The following MAP3K4 variants were observed in gnomAD, a reference collection of about 807,000 sequenced individuals.
MAP3K4 encodes the protein MAP three kinase 1.
In MAP3K4, 67 loss-of-function variants were observed where a neutral mutation model predicts 185.6. The observed-to-expected ratio is 0.36, with a 90% confidence interval of 0.30 to 0.44. The LOEUF (loss-of-function observed/expected upper bound fraction) is 0.44. Ranked by LOEUF, MAP3K4 falls within the 20% of genes least tolerant of loss-of-function variation. The probability of loss-of-function intolerance (pLI) is 1.00; values close to 1 mark genes in which losing one functional copy is unlikely to be tolerated. For missense variants in MAP3K4, 1,551 were observed against 1,995.1 expected, an observed-to-expected ratio of 0.78 and a Z score of 4.24; for synonymous variants, 702 against 710.4, an observed-to-expected ratio of 0.99 and a Z score of 0.19.
At position 161,022,663 on chromosome 6, in the gene MAP3K4, C is replaced by T. The variant is rs1394637406; in HGVS notation, c.153-11596C>T. Among the ~76,000 whole-genome samples the T allele has an allele frequency of 6.6e-6, 1 of 152,130 alleles. No homozygotes were observed. The highest frequency in any genetic ancestry group is 1.5e-5 in the Non-Finnish European group (1 of 68,034). ...GTTAGATCAGGACTCCAGTTATGGCCCAGACACTTGCAAGATGAGCCATCC... is the reference window on the plus strand; with the variant it reads ...GTTAGATCAGGACTCCAGTTATGGCTCAGACACTTGCAAGATGAGCCATCC... On this transcript the variant is annotated intron_variant, in intron 1 of 26. Transcript: ENST00000392142. The surrounding 1 kb of genome is among the most constrained non-coding windows in gnomAD (Gnocchi z 4.2).
chr6:161,112,949 C>T lies in MAP3K4; in HGVS notation c.4626+175C>T, dbSNP rs1445596032. ...TTAAGACAAATGACAAACCAGGAAACAAATATTTGTAAGATATCTGCCACA... is the reference window on the plus strand; with the variant it reads ...TTAAGACAAATGACAAACCAGGAAATAAATATTTGTAAGATATCTGCCACA... On this transcript the variant is annotated intron_variant, in intron 25 of 26. Transcript: ENST00000392142. This position sits in a 1 kb window ranked among gnomAD's most constrained non-coding sequence, Gnocchi z 5.1. Among the ~76,000 whole-genome samples, 1 of 152,062 alleles carries T rather than the reference C, an allele frequency of 6.6e-6. No homozygotes were observed. Among genetic ancestry groups the T allele is most frequent in the Non-Finnish European group, 1.5e-5 (1 of 68,000 alleles).
Position 161,106,487 on chromosome 6 carries a change from C to A in MAP3K4, c.3857-27C>A. On this transcript the variant is annotated intron_variant, in intron 19 of 26. Transcript: ENST00000392142. This position sits in a 1 kb window ranked among gnomAD's most constrained non-coding sequence, Gnocchi z 4.9. ...ACTGACTTGATAACAGTGATTGGGACTAATGAGGTTTTGGTTCTCTCTGCA... is the reference window on the plus strand; with the variant it reads ...ACTGACTTGATAACAGTGATTGGGAATAATGAGGTTTTGGTTCTCTCTGCA... 6.5e-7 allele frequency: 1 copy of A among 1,548,710 alleles called. No individual in the cohort carries two copies. The highest frequency in any genetic ancestry group is 8.8e-7 in the Non-Finnish European group (1 of 1,139,628).
rs3050252 is a variant in MAP3K4, at chr6:161,107,050, GCACACACA to G, written c.4048+367_4048+374del. Among the ~76,000 whole-genome samples, 3 of 105,188 alleles carry G rather than the reference GCACACACA, an allele frequency of 2.9e-5. No individual in the cohort carries two copies. Among genetic ancestry groups the G allele is most frequent in the Non-Finnish European group, 6.0e-5 (3 of 50,218 alleles). The allele number at this position is 105,188 out of a possible 152,430, so 69.0% of individuals were successfully genotyped here. A position where few individuals can be genotyped will look rare whatever the true frequency, so the allele number is the denominator to read the frequency against. On this transcript the variant is annotated intron_variant, in intron 20 of 26. Transcript: ENST00000392142. This position sits in a 1 kb window ranked among gnomAD's most constrained non-coding sequence, Gnocchi z 6.2. Reference sequence around the variant, plus strand: ...TCTCTCTCTCTCTACACACGCGCGCGCACACACACACACACACACACACACACACGCAG... The same window carrying G: ...TCTCTCTCTCTCTACACACGCGCGCGCACACACACACACACACACACGCAG...
intron 3 of MAP3K4, among the ~76,000 whole-genome samples, chr6:161,068,498 C>T (rs927185383): frequency 3.9e-5 from 6 of 152,174 alleles, no homozygotes; most frequent in African/African-American, 1.4e-4. Context: ...TATGCAGAGA[C>T]CTGGCCATTA....
rs1270160934 is a variant in MAP3K4, at chr6:161,107,022, T to TTCTC, written c.4048+329_4048+332dup. On this transcript the variant is annotated intron_variant, in intron 20 of 26. Coordinates refer to ENST00000392142, the MANE Select transcript of MAP3K4 (RefSeq NM_005922.4). The surrounding 1 kb of genome is among the most constrained non-coding windows in gnomAD (Gnocchi z 6.2). The stretch of plus-strand genomic sequence containing the variant: ...CAAAATTTGACCCATTTGTTCTAGT[T>TTCTC]TCTCTCTCTCTCTCTACACACGCGC... Among the ~76,000 whole-genome samples the TTCTC allele has an allele frequency of 7.1e-6, 1 of 141,498 alleles. No homozygotes were observed. The highest frequency in any genetic ancestry group is 2.7e-5 in the African/African-American group (1 of 37,702). The allele number at this position is 141,498 out of a possible 152,430, so 92.8% of individuals were successfully genotyped here. A position where few individuals can be genotyped will look rare whatever the true frequency, so the allele number is the denominator to read the frequency against.
At chr6:161,012,619 C>T (rs760378683) in intron 1 of MAP3K4, among the ~76,000 whole-genome samples, 7 of 152,060 alleles carry the variant, frequency 4.6e-5, no homozygotes, top group Admixed American at 2.0e-4. Flanking sequence ...GGGAGGTGAG[C>T]CTTTAAGAGA....
In MAP3K4 at chr6:161,102,773, A is replaced by G; in HGVS notation, c.3850A>G (p.Ser1284Gly). Residue 1284 changes from serine (S) to glycine (G), a missense_variant, in exon 19 of 27, where the codon AGT (serine) becomes GGT (glycine). Coordinates refer to ENST00000392142, the MANE Select transcript of MAP3K4 (RefSeq NM_005922.4). ...GGAACTTCGGACACTAATCAGCCAG[A>G]GTAAAGGTGAGAGAAAGAGTGTTGA... ...SWELRTLISQSKDTASKLGPI... is the reference protein window; with the variant it reads ...SWELRTLISQGKDTASKLGPI... 7.1e-7 allele frequency: 1 copy of G among 1,399,980 alleles called. No individual in the cohort carries two copies. Among genetic ancestry groups the G allele is most frequent in the Non-Finnish European group, 9.9e-7 (1 of 1,008,678 alleles). The allele number at this position is 1,399,980 out of a possible 1,614,324, so 86.7% of individuals were successfully genotyped here.
At position 161,034,003 on chromosome 6, in the gene MAP3K4, CAGAA is replaced by C. The variant is rs1394350199; in HGVS notation, c.153-253_153-250del. On this transcript the variant is annotated intron_variant, in intron 1 of 26. Coordinates refer to ENST00000392142, the MANE Select transcript of MAP3K4 (RefSeq NM_005922.4). The surrounding 1 kb of genome is among the most constrained non-coding windows in gnomAD (Gnocchi z 4.4). Reference sequence around the variant, plus strand: ...GAAAGAGCTCTATAAACAAGAGAAACAGAAAGCATAACAGCTCTACCCATGTGGT... The same window carrying C: ...GAAAGAGCTCTATAAACAAGAGAAACAGCATAACAGCTCTACCCATGTGGT... Among the ~76,000 whole-genome samples the C allele has an allele frequency of 1.3e-5, 2 of 152,114 alleles. No homozygotes were observed. Among genetic ancestry groups the C allele is most frequent in the Non-Finnish European group, 2.9e-5 (2 of 68,032 alleles).
chr6:161,080,728 A>G lies in MAP3K4; in HGVS notation c.2098-153A>G, dbSNP rs1294505988. 1.6e-6 allele frequency: 1 copy of G among 632,098 alleles called. No individual in the cohort carries two copies. Among genetic ancestry groups the G allele is most frequent in the Non-Finnish European group, 2.8e-6 (1 of 357,784 alleles). 39.2% of individuals were successfully genotyped at this position (632,098 alleles called of 1,614,324 possible). The stretch of plus-strand genomic sequence containing the variant: ...AATCCTCATTTAGACCTCAGCTAAC[A>G]GTGGTGAGAACCTTGCTTCTGTCGG... On this transcript the variant is annotated intron_variant, in intron 5 of 26. Transcript: ENST00000392142. This position sits in a 1 kb window ranked among gnomAD's most constrained non-coding sequence, Gnocchi z 4.8.
At position 161,107,037 on chromosome 6, in the gene MAP3K4, T is replaced by TAC. The variant is rs976084042; in HGVS notation, c.4048+337_4048+338dup. ...TTGTTCTAGTTTCTCTCTCTCTCTC[T>TAC]ACACACGCGCGCGCACACACACACA... is the stretch of plus-strand genomic sequence containing the variant. On this transcript the variant is annotated intron_variant, in intron 20 of 26. Transcript: ENST00000392142. The surrounding 1 kb of genome is among the most constrained non-coding windows in gnomAD (Gnocchi z 6.2). Among the ~76,000 whole-genome samples, 44 of 102,984 alleles carry TAC rather than the reference T, an allele frequency of 4.3e-4. No individual in the cohort carries two copies. The highest frequency in any genetic ancestry group is 8.6e-4 in the Admixed American group (7 of 8,124). The allele number at this position is 102,984 out of a possible 152,430, so 67.6% of individuals were successfully genotyped here.
chr6:161,019,444 C>CT (rs1452483929), intron 1 of MAP3K4, among the ~76,000 whole-genome samples: 3 of 152,186 alleles, frequency 2.0e-5, no homozygotes, highest in Non-Finnish European at 4.4e-5. Context: ...CGGAGTCTCT[C>CT]TCGCCCAGGC....
rs1361165078 is a variant in MAP3K4 at position 161,114,971 on chromosome 6, T to C, written c.4627-152T>C. The C allele has an allele frequency of 4.9e-6, 3 of 614,014 alleles. No individual in the cohort carries two copies. Among genetic ancestry groups the C allele is most frequent in the East Asian group, 5.5e-5 (2 of 36,464 alleles). 38.0% of individuals were successfully genotyped at this position (614,014 alleles called of 1,614,324 possible). On this transcript the variant is annotated intron_variant, in intron 25 of 26. Coordinates refer to ENST00000392142, the MANE Select transcript of MAP3K4 (RefSeq NM_005922.4). This position sits in a 1 kb window ranked among gnomAD's most constrained non-coding sequence, Gnocchi z 4.3. ...TAGTTGTGATAGAGATCATATGGCCTGTCAACCTAAAATATTGTTTGGCCC... is the reference window on the plus strand; with the variant it reads ...TAGTTGTGATAGAGATCATATGGCCCGTCAACCTAAAATATTGTTTGGCCC...
At chr6:160,992,642 C>T (rs1780786671) in intron 1 of MAP3K4, among the ~76,000 whole-genome samples, 1 of 152,128 alleles carries the variant, frequency 6.6e-6, no homozygotes, top group African/African-American at 2.4e-5. Flanking sequence ...GTTCTGAGGG[C>T]CCCTTACTGT....
rs1392395207 is a variant in MAP3K4 at position 161,096,717 on chromosome 6, CT to C, written c.3428-358del. ...TTGAAATGTCGCCAGTGACCACAAT[CT>C]TTTTAACGTGTAGACAACATAAAGA... On this transcript the variant is annotated intron_variant, in intron 15 of 26. Transcript: ENST00000392142. The surrounding 1 kb of genome is among the most constrained non-coding windows in gnomAD (Gnocchi z 4.9). The C allele has an allele frequency of 1.2e-5, 2 of 171,760 alleles. No homozygotes were observed. Among genetic ancestry groups the C allele is most frequent in the Non-Finnish European group, 2.5e-5 (2 of 79,964 alleles). The allele number at this position is 171,760 out of a possible 1,614,324, so 10.6% of individuals were successfully genotyped here. A position where few individuals can be genotyped will look rare whatever the true frequency, so the allele number is the denominator to read the frequency against.
intron 3 of MAP3K4, among the ~76,000 whole-genome samples, chr6:161,057,137 GTTA>G (rs1375102472): frequency 1.3e-5 from 2 of 152,120 alleles, no homozygotes; most frequent in Admixed American, 6.5e-5. Flanking sequence ...CGATCATGTA[GTTA>G]TTATAAATTT....
In MAP3K4 at chr6:161,098,386, C is replaced by T; in HGVS notation, c.3633C>T (p.Asp1211=). 1 of 1,613,930 alleles carries T rather than the reference C, an allele frequency of 6.2e-7. No individual in the cohort carries two copies. Among genetic ancestry groups the T allele is most frequent in the Non-Finnish European group, 8.5e-7 (1 of 1,180,020 alleles). ...GTCGGCCCAGCCCCTCTGGTGGTGACTCTGTGCTGCCCAAATCCATCAGCA... is the reference window on the plus strand; with the variant it reads ...GTCGGCCCAGCCCCTCTGGTGGTGATTCTGTGCTGCCCAAATCCATCAGCA... ...AASRPSPSGG[D]SVLPKSISSA... The change falls in exon 17 of 27, where the codon GAC becomes GAT. Residue 1211 remains aspartate (D), a synonymous_variant. Coordinates refer to ENST00000392142, the MANE Select transcript of MAP3K4 (RefSeq NM_005922.4). This position sits in a 1 kb window ranked among gnomAD's most constrained non-coding sequence, Gnocchi z 4.4.
At chr6:161,039,300 A>AC (rs397715986) in intron 2 of MAP3K4, among the ~76,000 whole-genome samples, 4 of 151,546 alleles carry the variant, frequency 2.6e-5, no homozygotes, top group East Asian at 3.9e-4. Flanking sequence ...AAAAAAAAAA[A>AC]CATCAAGTAC....
Position 161,115,349 on chromosome 6 carries a change from TTC to T in MAP3K4, c.4806+49_4806+50del, listed in dbSNP as rs1778545725. 1 of 1,536,738 alleles carries T rather than the reference TTC, an allele frequency of 6.5e-7. No homozygotes were observed. The highest frequency in any genetic ancestry group is 8.8e-7 in the Non-Finnish European group (1 of 1,133,560). On this transcript the variant is annotated intron_variant, in intron 26 of 26. Transcript: ENST00000392142. The surrounding 1 kb of genome is among the most constrained non-coding windows in gnomAD (Gnocchi z 6.0). Reference sequence around the variant, plus strand: ...TCTTTTTCATGTTTAAGTGTTTAAGTTCTGTTTTGCATCAAGACGTTAATGAA... The same window carrying T: ...TCTTTTTCATGTTTAAGTGTTTAAGTTGTTTTGCATCAAGACGTTAATGAA...
chr6:161,090,526 T>G (rs9365251), intron 11 of MAP3K4, among the ~76,000 whole-genome samples: 8,408 of 144,820 alleles, frequency 0.058, 448 homozygotes, highest in East Asian at 0.31. Context: ...AGGGCTGTCC[T>G]GCGCATTGTA....
Sources: gnomAD v4.1 joint callset for allele counts (sites outside exome capture counted in the v4.1 genomes callset) on GRCh38, gnomAD v4.1.1 for gene constraint, Gnocchi (gnomAD v3.1) non-coding constraint, MANE v1.5 for transcripts, NCBI Gene and HGNC (gene_info 2026-07-23, HGNC 2026-07-21) for gene names.